The following DMXL1 variants were observed in gnomAD, a reference collection of about 807,000 sequenced individuals.
The protein encoded by DMXL1 is Dmx like 1, also known as dmX-like protein 1.
DMXL1 carries 99 observed loss-of-function variants against 319.2 expected under a neutral mutation model. That is an observed-to-expected ratio of 0.31 (90% CI 0.26 to 0.37). DMXL1 has a LOEUF of 0.37. Ranked by LOEUF, DMXL1 falls within the 10% of genes least tolerant of loss-of-function variation. The pLI is 1.00. For synonymous variants in DMXL1, 1,385 were observed against 1,235.2 expected (o/e 1.12, Z -2.54); for missense variants, 3,745 against 3,595.6 (o/e 1.04, Z -1.06).
At chr5:119,073,718 C>T (rs576179714) in intron 1 of DMXL1, among the ~76,000 whole-genome samples, 1 of 152,020 alleles carries the variant, frequency 6.6e-6, no homozygotes, top group Non-Finnish European at 1.5e-5. Flanking sequence ...GAGTTCAGCT[C>T]TCTTTAGTTT....
intron 9 of DMXL1, among the ~76,000 whole-genome samples, chr5:119,124,605 C>T (rs975858042): frequency 9.0e-5 from 12 of 132,984 alleles, no homozygotes; most frequent in South Asian, 2.4e-4. Flanking sequence ...CTTGCTCTGT[C>T]GCCAAGCTGG....
intron 13 of DMXL1, 140 bp from the exon 14 acceptor site, chr5:119,143,701 A>C: frequency 2.1e-6 from 1 of 472,796 alleles, no homozygotes; most frequent in Non-Finnish European, 3.7e-6. Context: ...AAAGACCTAG[A>C]ATTTTTATAG....
At chr5:119,087,328 T>C (rs908536805) in intron 1 of DMXL1, among the ~76,000 whole-genome samples, 11 of 152,190 alleles carry the variant, frequency 7.2e-5, no homozygotes, top group Admixed American at 6.5e-5. Flanking sequence ...TTTCAACTTT[T>C]CTTAGTACTG....
At chr5:119,130,796 C>T (rs527824156) in intron 10 of DMXL1, among the ~76,000 whole-genome samples, 1 of 152,222 alleles carries the variant, frequency 6.6e-6, no homozygotes, top group Non-Finnish European at 1.5e-5. Context: ...ATTCTAGGTA[C>T]AATGACTTGT....
intron 34 of DMXL1, among the ~76,000 whole-genome samples, chr5:119,215,844 C>T (rs1047443484): frequency 1.3e-5 from 2 of 152,024 alleles, no homozygotes; most frequent in Non-Finnish European, 2.9e-5. Context: ...CGCCCATAAT[C>T]CCAGCATTTG....
chr5:119,088,064 A>T (rs1446948594), intron 1 of DMXL1, among the ~76,000 whole-genome samples: 1 of 152,132 alleles, frequency 6.6e-6, no homozygotes, highest in Non-Finnish European at 1.5e-5. Flanking sequence ...CGCCTCCCAA[A>T]GTGCTGGGAT....
intron 40 of DMXL1, 122 bp from the exon 41 acceptor site, chr5:119,238,867 A>G (rs11241496): frequency 0.32 from 462,990 of 1,452,796 alleles, 78,035 homozygotes; most frequent in South Asian, 0.48. Context: ...TTCAAAGGAA[A>G]AAAACGATAC....
Position 119,111,378 on chromosome 5 carries a change from C to CT in DMXL1, c.497+1096dup, listed in dbSNP as rs1158783204. ...GTATTAAAAATAGTGTAAAATATCT[C>CT]TAACATTTTAAAAAATATGTTGAAA... On this transcript the variant is annotated intron_variant, in intron 5 of 43. Coordinates refer to ENST00000539542, the MANE Select transcript of DMXL1 (RefSeq NM_001290321.3). 2.0e-5 allele frequency among the ~76,000 whole-genome samples: 3 copies of CT among 152,080 alleles called. No homozygotes were observed. The East Asian group carries it at 5.8e-4, about 29-fold the overall frequency.
intron 1 of DMXL1, among the ~76,000 whole-genome samples, chr5:119,084,956 C>A (rs116472160): frequency 6.6e-6 from 1 of 151,752 alleles, no homozygotes; most frequent in Non-Finnish European, 1.5e-5. Context: ...GAATATCTTT[C>A]CATTTTTTGT....
intron 41 of DMXL1, 91 bp from the exon 42 acceptor site, chr5:119,240,328 G>A (rs2150735679): frequency 7.4e-6 from 6 of 806,630 alleles, no homozygotes; most frequent in Admixed American, 2.5e-5. Context: ...TTCTGTGACA[G>A]CAAGGTTTAA....
At chr5:119,080,687 TAAAC>T (rs1752006201) in intron 1 of DMXL1, among the ~76,000 whole-genome samples, 1 of 152,216 alleles carries the variant, frequency 6.6e-6, no homozygotes, top group Non-Finnish European at 1.5e-5. Flanking sequence ...GTCTTCAACT[TAAAC>T]AATATTGCCA....
At chr5:119,246,196 G>A (rs992710720) in intron 43 of DMXL1, among the ~76,000 whole-genome samples, 3 of 152,232 alleles carry the variant, frequency 2.0e-5, no homozygotes, top group African/African-American at 7.2e-5. Flanking sequence ...TGTAATAATT[G>A]ACTTTGTCTT....
intron 32 of DMXL1, among the ~76,000 whole-genome samples, chr5:119,200,547 A>T (rs911956254): frequency 1.3e-5 from 2 of 152,098 alleles, no homozygotes; most frequent in East Asian, 3.8e-4. Flanking sequence ...TCGCCTTGCT[A>T]TTCAGGCTCT....
intron 37 of DMXL1, 38 bp downstream of exon 37, chr5:119,221,119 CT>C: frequency 1.3e-6 from 2 of 1,482,250 alleles, no homozygotes; most frequent in Non-Finnish European, 1.8e-6. Flanking sequence ...TTATATGTAA[CT>C]TTTATTTTTC....
At chr5:119,162,337 T>G (rs1772452099) in intron 19 of DMXL1, among the ~76,000 whole-genome samples, 1 of 152,208 alleles carries the variant, frequency 6.6e-6, no homozygotes, top group African/African-American at 2.4e-5. Context: ...GTCTGTCTTT[T>G]GGGGCTTCTA....
intron 1 of DMXL1, among the ~76,000 whole-genome samples, chr5:119,084,431 A>G (rs1054065619): frequency 6.6e-6 from 1 of 152,132 alleles, no homozygotes; most frequent in African/African-American, 2.4e-5. Flanking sequence ...TTTCCCCAAA[A>G]GCGTTCTTTT....
intron 23 of DMXL1, among the ~76,000 whole-genome samples, chr5:119,169,017 C>T (rs1308109019): frequency 6.6e-6 from 1 of 152,100 alleles, no homozygotes; most frequent in Non-Finnish European, 1.5e-5. Context: ...TCTTCCCACC[C>T]CAGCGTCCTG....
chr5:119,162,265 G>A (rs1182855090), intron 19 of DMXL1, among the ~76,000 whole-genome samples: 1 of 152,292 alleles, frequency 6.6e-6, no homozygotes, highest in South Asian at 2.1e-4. Context: ...CCAAGTTTGG[G>A]GGTAAAATGG....
intron 2 of DMXL1, among the ~76,000 whole-genome samples, chr5:119,099,241 C>G (rs191856407): frequency 6.6e-6 from 1 of 151,502 alleles, no homozygotes; most frequent in Non-Finnish European, 1.5e-5. Flanking sequence ...GATGGAGTCT[C>G]GCTTTGTTGC....
Sources: allele counts gnomAD v4.1 joint callset (sites outside exome capture counted in the v4.1 genomes callset), GRCh38; gene constraint gnomAD v4.1.1; transcripts MANE v1.5; gene names NCBI Gene and HGNC (gene_info 2026-07-23, HGNC 2026-07-21).